The following CHN2 variants were observed in gnomAD, a reference collection of about 807,000 sequenced individuals.
CHN2 encodes beta-chimaerin.
A neutral mutation model predicts 56.3 loss-of-function variants in CHN2; 35 were observed. The ratio of observed to expected loss-of-function variants is 0.62; its 90% confidence interval spans 0.47 to 0.82. The LOEUF is 0.82. Ranked by LOEUF, CHN2 falls within the 40% of genes least tolerant of loss-of-function variation. The pLI is 0.00. For synonymous variants in CHN2, 210 were observed against 212.8 expected (o/e 0.99, Z 0.12); for missense variants, 491 against 580.5 (o/e 0.85, Z 1.58).
At chr7:29,180,297 G>A (rs751080096) in intron 2 of CHN2, among the ~76,000 whole-genome samples, 16 of 152,100 alleles carry the variant, frequency 1.1e-4, no homozygotes, top group African/African-American at 2.4e-4. Flanking sequence ...AAGCTGAGGC[G>A]GGCAGATCAC....
intron 1 of CHN2, among the ~76,000 whole-genome samples, chr7:29,258,412 C>T (rs1789249549): frequency 6.6e-6 from 1 of 152,224 alleles, no homozygotes; most frequent in Non-Finnish European, 1.5e-5. Context: ...TCAATTTGCT[C>T]ATCCTTCTTG....
At chr7:29,305,882 C>T (rs1794117037) in intron 1 of CHN2, among the ~76,000 whole-genome samples, 2 of 151,762 alleles carry the variant, frequency 1.3e-5, no homozygotes, top group South Asian at 4.2e-4. Context: ...CCTCCAACCC[C>T]TTCCTCTTTC....
At chr7:29,219,394 T>C (rs1416419914) in intron 1 of CHN2, among the ~76,000 whole-genome samples, 1 of 152,016 alleles carries the variant, frequency 6.6e-6, no homozygotes, top group South Asian at 2.1e-4. Flanking sequence ...TTAAAAACAC[T>C]TGAATGACTA....
intron 6 of CHN2, among the ~76,000 whole-genome samples, chr7:29,475,663 C>G (rs1157454759): frequency 2.0e-5 from 3 of 152,174 alleles, no homozygotes; most frequent in Non-Finnish European, 4.4e-5. Flanking sequence ...TATATCCATA[C>G]AATGGATTGT....
intron 2 of CHN2, among the ~76,000 whole-genome samples, chr7:29,358,551 C>G (rs1018670736): frequency 6.6e-6 from 1 of 152,120 alleles, no homozygotes; most frequent in Non-Finnish European, 1.5e-5. Context: ...CAAGCCCCGC[C>G]TCCCGAGTTC....
chr7:29,222,151 C>T (rs1483310414), intron 1 of CHN2, among the ~76,000 whole-genome samples: 1 of 152,050 alleles, frequency 6.6e-6, no homozygotes, highest in African/African-American at 2.4e-5. Context: ...ATACAGCTAA[C>T]AAGGGAAGTG....
intron 2 of CHN2, among the ~76,000 whole-genome samples, chr7:29,187,489 CG>C (rs1798857773): frequency 6.6e-6 from 1 of 151,946 alleles, no homozygotes; most frequent in African/African-American, 2.4e-5. Context: ...TTTGGGAGGC[CG>C]AGGTGGGCGG....
intron 2 of CHN2, among the ~76,000 whole-genome samples, chr7:29,182,450 G>A (rs1798181668): frequency 1.3e-5 from 2 of 152,176 alleles, no homozygotes; most frequent in African/African-American, 4.8e-5. Flanking sequence ...AGAAAACGTA[G>A]AAAGTTGTAA....
At chr7:29,275,969 G>A (rs985713002) in intron 1 of CHN2, among the ~76,000 whole-genome samples, 2 of 152,036 alleles carry the variant, frequency 1.3e-5, no homozygotes, top group Non-Finnish European at 2.9e-5. Context: ...TCGCTATTTG[G>A]GTGATAGGTT....
chr7:29,321,035 G>A (rs1314963363), intron 1 of CHN2, among the ~76,000 whole-genome samples: 3 of 152,182 alleles, frequency 2.0e-5, no homozygotes, highest in South Asian at 2.1e-4. Flanking sequence ...GAATGAGATC[G>A]CTTTAAAACC....
chr7:29,474,645 A>T (rs1488921709), intron 6 of CHN2, among the ~76,000 whole-genome samples: 1 of 152,158 alleles, frequency 6.6e-6, no homozygotes, highest in Non-Finnish European at 1.5e-5. Flanking sequence ...GGCAGTCAAC[A>T]CCTAAGGAAG....
At chr7:29,160,384 A>T (rs758790066) in intron 2 of CHN2, among the ~76,000 whole-genome samples, 1 of 152,164 alleles carries the variant, frequency 6.6e-6, no homozygotes, top group Non-Finnish European at 1.5e-5. Context: ...TGGCTTATCC[A>T]TGTCATTCCC....
chr7:29,247,017 A>G (rs562842375), intron 1 of CHN2, among the ~76,000 whole-genome samples: 14 of 152,210 alleles, frequency 9.2e-5, no homozygotes, highest in African/African-American at 2.4e-4. Flanking sequence ...GGAGGTGTGT[A>G]CCTTGTATTG....
intron 1 of CHN2, among the ~76,000 whole-genome samples, chr7:29,342,500 G>A (rs1283508564): frequency 6.6e-6 from 1 of 152,106 alleles, no homozygotes; most frequent in African/African-American, 2.4e-5. Flanking sequence ...TGAGAGGTTT[G>A]TCTGTCATTG....
At chr7:29,267,432 C>A (rs778194579) in intron 1 of CHN2, among the ~76,000 whole-genome samples, 3 of 151,920 alleles carry the variant, frequency 2.0e-5, no homozygotes, top group Admixed American at 1.3e-4. Context: ...TTAGTAGAGA[C>A]AGGGTTTCAC....
At chr7:29,499,794 T>G in intron 8 of CHN2, 73 bp from the exon 9 acceptor site, 1 of 1,385,356 alleles carries the variant, frequency 7.2e-7, no homozygotes, top group East Asian at 2.4e-5. Flanking sequence ...ATTTTTATTT[T>G]TGGCAACATA....
chr7:29,451,544 A>G (rs898073673), intron 6 of CHN2, among the ~76,000 whole-genome samples: 12 of 151,814 alleles, frequency 7.9e-5, no homozygotes, highest in Admixed American at 7.2e-4. Flanking sequence ...ATGTTTTTAA[A>G]ATAAATTTGT....
chr7:29,378,361 G>A (rs1355404126), intron 3 of CHN2, among the ~76,000 whole-genome samples: 2 of 152,216 alleles, frequency 1.3e-5, no homozygotes, highest in African/African-American at 2.4e-5. Flanking sequence ...TGAGGCATTG[G>A]CAAGCTCTGT....
chr7:29,327,724 G>A (rs983517377), intron 1 of CHN2, among the ~76,000 whole-genome samples: 1 of 152,126 alleles, frequency 6.6e-6, no homozygotes, highest in Non-Finnish European at 1.5e-5. Flanking sequence ...AGCCTAGAGC[G>A]CCGTATAAAT....
Sources: gnomAD v4.1 joint callset for allele counts (sites outside exome capture counted in the v4.1 genomes callset) on GRCh38, gnomAD v4.1.1 for gene constraint, MANE v1.5 for transcripts, NCBI Gene and HGNC (gene_info 2026-07-23, HGNC 2026-07-21) for gene names.